The following MED27 variants were observed in gnomAD, a reference collection of about 807,000 sequenced individuals.
MED27 encodes the protein mediator complex subunit 27.
Under a neutral mutation model 38.2 loss-of-function variants are expected in MED27, and 30 were observed. The ratio of observed to expected loss-of-function variants is 0.79; its 90% confidence interval spans 0.59 to 1.07. The LOEUF (loss-of-function observed/expected upper bound fraction) is 1.07, where lower values mean the gene tolerates loss of function less well. Among genes scored for constraint, MED27 ranks in the 50% least tolerant of loss-of-function variants. MED27 has a pLI of 0.00. For missense variants in MED27, 289 were observed against 397.5 expected (o/e 0.73, Z 2.32); for synonymous variants, 122 against 153.5 (o/e 0.79, Z 1.52).
chr9:132,037,739 AC>A (rs1380174286), intron 2 of MED27, among the ~76,000 whole-genome samples: 1 of 152,148 alleles, frequency 6.6e-6, no homozygotes, highest in Non-Finnish European at 1.5e-5. Flanking sequence ...TGGAAACATC[AC>A]CAAATGAAAG....
chr9:132,023,679 A>T (rs1407593658), intron 2 of MED27, among the ~76,000 whole-genome samples: 1 of 152,224 alleles, frequency 6.6e-6, no homozygotes. Context: ...TACTGGGGAT[A>T]TACAGTCAGA....
intron 4 of MED27, among the ~76,000 whole-genome samples, chr9:131,910,284 A>T (rs1830164157): frequency 6.6e-6 from 1 of 152,228 alleles, no homozygotes; most frequent in Non-Finnish European, 1.5e-5. Flanking sequence ...ATTATGTATT[A>T]CTATTATTAC....
chr9:131,900,859 G>A (rs190475509), intron 4 of MED27, among the ~76,000 whole-genome samples: 18 of 152,032 alleles, frequency 1.2e-4, no homozygotes, highest in Admixed American at 2.0e-4. Flanking sequence ...ATATGTAGGC[G>A]CCCTTAAGGG....
chr9:132,046,776 C>T (rs1379679446), intron 2 of MED27, among the ~76,000 whole-genome samples: 1 of 152,144 alleles, frequency 6.6e-6, no homozygotes, highest in Non-Finnish European at 1.5e-5. Context: ...ATCTGTCCCC[C>T]GCACATACGC....
At chr9:131,944,344 C>G (rs539535259) in intron 3 of MED27, among the ~76,000 whole-genome samples, 1 of 152,130 alleles carries the variant, frequency 6.6e-6, no homozygotes, top group South Asian at 2.1e-4. Context: ...GAGGCAACCC[C>G]TTGCATTGCC....
chr9:131,995,506 C>A (rs1456111734), intron 3 of MED27, among the ~76,000 whole-genome samples: 1 of 152,164 alleles, frequency 6.6e-6, no homozygotes. Flanking sequence ...TTAATGGACT[C>A]CTTCTATCTT....
At chr9:131,919,517 C>T (rs1830352220) in intron 4 of MED27, among the ~76,000 whole-genome samples, 1 of 152,056 alleles carries the variant, frequency 6.6e-6, no homozygotes, top group Admixed American at 6.6e-5. Flanking sequence ...TCCAAATTGT[C>T]ACTCTGTCAC....
At chr9:132,027,638 G>A (rs775574755) in intron 2 of MED27, among the ~76,000 whole-genome samples, 6 of 152,144 alleles carry the variant, frequency 3.9e-5, no homozygotes, top group Admixed American at 6.5e-5. Context: ...CCTTCTCATC[G>A]ATGTAGGCGC....
intron 3 of MED27, among the ~76,000 whole-genome samples, chr9:132,013,101 A>G (rs893803543): frequency 1.8e-4 from 27 of 152,216 alleles, no homozygotes; most frequent in African/African-American, 6.3e-4. Flanking sequence ...GCACACTGAC[A>G]GGAAATGGAC....
chr9:132,010,106 T>G (rs1231279126), intron 3 of MED27, among the ~76,000 whole-genome samples: 2 of 152,232 alleles, frequency 1.3e-5, no homozygotes, highest in East Asian at 3.8e-4. Flanking sequence ...TTTGTTGCCA[T>G]TGCTTCTGGT....
intron 4 of MED27, among the ~76,000 whole-genome samples, chr9:131,908,466 C>T (rs1174679942): frequency 2.0e-5 from 3 of 152,172 alleles, no homozygotes; most frequent in Admixed American, 6.5e-5. Flanking sequence ...ATTGAGAAAT[C>T]GGATGGGTGC....
rs200214413 is a variant in MED27 at position 131,966,211 on chromosome 9, A to C, written c.480-26737T>G. 5.8e-3 allele frequency among the ~76,000 whole-genome samples: 815 copies of C among 140,008 alleles called. 11 individuals carry two copies. The highest frequency in any genetic ancestry group is 0.035 in the Middle Eastern group (10 of 288). 91.9% of individuals were successfully genotyped at this position (140,008 alleles called of 152,430 possible). On this transcript the variant is annotated intron_variant, in intron 3 of 7. Transcript: ENST00000292035. ...GAGCCTGTTTCTTTAAAAAAAAAAA[A>C]AAAACAAAACAAAACCAAAAGCAAC...
At chr9:131,983,396 T>C (rs999234920) in intron 3 of MED27, among the ~76,000 whole-genome samples, 4 of 152,258 alleles carry the variant, frequency 2.6e-5, no homozygotes, top group Non-Finnish European at 4.4e-5. Context: ...ACTTTCTCAG[T>C]GTTTTGTCAT....
At chr9:131,876,552 G>C (rs1452936660) in intron 6 of MED27, among the ~76,000 whole-genome samples, 3 of 152,218 alleles carry the variant, frequency 2.0e-5, no homozygotes, top group East Asian at 3.9e-4. Flanking sequence ...ACCATTAAGA[G>C]AGAAGGTGGC....
intron 2 of MED27, among the ~76,000 whole-genome samples, chr9:132,021,946 C>A (rs1221080523): frequency 2.6e-5 from 4 of 152,194 alleles, no homozygotes; most frequent in Non-Finnish European, 5.9e-5. Context: ...GACTTTCCAG[C>A]CTTCTGAACT....
At chr9:131,886,533 G>C (rs1296683115) in intron 5 of MED27, among the ~76,000 whole-genome samples, 1 of 152,178 alleles carries the variant, frequency 6.6e-6, no homozygotes, top group Non-Finnish European at 1.5e-5. Flanking sequence ...GAAAGGTGGT[G>C]TCAATTGCCA....
chr9:132,020,254 C>T (rs1281305171), intron 2 of MED27, among the ~76,000 whole-genome samples: 2 of 152,116 alleles, frequency 1.3e-5, no homozygotes, highest in African/African-American at 4.8e-5. Flanking sequence ...TGATAGCAAG[C>T]AAGGACACCA....
intron 3 of MED27, among the ~76,000 whole-genome samples, chr9:131,940,145 T>C (rs999667453): frequency 1.3e-5 from 2 of 151,574 alleles, no homozygotes; most frequent in Non-Finnish European, 2.9e-5. Context: ...GACCTCATGA[T>C]CTGCCCGCCT....
chr9:132,077,495 C>A lies in MED27; in HGVS notation c.295G>T (p.Asp99Tyr), dbSNP rs367588003. ...AGTTGACTATAGAGAGGAGTTTTGT[C>A]CTGCACAGGATCCAGGCTTAACAGC... is the stretch of plus-strand genomic sequence containing the variant. ...SGLLSLDPVQDKTPLYSQLLQ... is the reference protein window; with the variant it reads ...SGLLSLDPVQYKTPLYSQLLQ... Residue 99 changes from aspartate to tyrosine, a missense_variant, in exon 2 of 8, where the codon GAC becomes TAC. Coordinates refer to ENST00000292035, the MANE Select transcript of MED27 (RefSeq NM_004269.4). 2 of 1,614,006 alleles carry A rather than the reference C, an allele frequency of 1.2e-6. No homozygotes were observed. The highest frequency in any genetic ancestry group is 1.7e-6 in the Non-Finnish European group (2 of 1,180,034).
Sources: allele counts gnomAD v4.1 joint callset (sites outside exome capture counted in the v4.1 genomes callset), GRCh38; gene constraint gnomAD v4.1.1; transcripts MANE v1.5; gene names NCBI Gene and HGNC (gene_info 2026-07-23, HGNC 2026-07-21).